BUB1B: variants seen among roughly 807,000 people sequenced by gnomAD.
The protein encoded by BUB1B is mitotic checkpoint serine/threonine-protein kinase BUB1 beta.
BUB1B carries 86 observed loss-of-function variants against 137.7 expected under a neutral mutation model. That is an observed-to-expected ratio of 0.62 (90% CI 0.52 to 0.75). BUB1B has a LOEUF of 0.75. Among genes scored for constraint, BUB1B ranks in the 30% least tolerant of loss-of-function variants. The probability of loss-of-function intolerance (pLI) is 0.00; values close to 1 mark genes in which losing one functional copy is unlikely to be tolerated. For missense variants in BUB1B, 1,130 were observed against 1,236.9 expected (o/e 0.91, Z 1.30); for synonymous variants, 420 against 417.9 (o/e 1.00, Z -0.06).
intron 9 of BUB1B, among the ~76,000 whole-genome samples, chr15:40,198,221 AAT>A (rs1369314371): frequency 1.3e-5 from 2 of 150,242 alleles, no homozygotes; most frequent in Non-Finnish European, 3.0e-5. Flanking sequence ...AGAATTTTTT[AAT>A]ACTCATTTCT....
chr15:40,175,361 C>T (rs2037212759), intron 4 of BUB1B, among the ~76,000 whole-genome samples: 1 of 152,178 alleles, frequency 6.6e-6, no homozygotes, highest in Non-Finnish European at 1.5e-5. Flanking sequence ...TGCGTCACTG[C>T]AGTCCAGCCT....
intron 11 of BUB1B, 22 bp downstream of exon 11, chr15:40,200,381 G>C: frequency 6.3e-7 from 1 of 1,583,248 alleles, no homozygotes; most frequent in Non-Finnish European, 8.7e-7. Context: ...TAGGTGGAAG[G>C]GACAATGCAT....
At chr15:40,166,629 C>G (rs868855381) in intron 2 of BUB1B, 1 of 194,230 alleles carries the variant, frequency 5.1e-6, no homozygotes, top group African/African-American at 2.4e-5. Context: ...CGTGAGCCAC[C>G]GCGCCCAGCA....
chr15:40,161,331 G>T, intron 1 of BUB1B, 76 bp downstream of exon 1: 1 of 1,526,076 alleles, frequency 6.6e-7, no homozygotes, highest in South Asian at 1.2e-5. Flanking sequence ...GCTCCGCTCG[G>T]AGCAGTCGAG....
At chr15:40,192,016 A>G (rs184675868) in intron 8 of BUB1B, among the ~76,000 whole-genome samples, 10 of 152,252 alleles carry the variant, frequency 6.6e-5, no homozygotes, top group African/African-American at 2.4e-4. Context: ...TAGCCTGTCA[A>G]TTTCTGCAGA....
intron 5 of BUB1B, among the ~76,000 whole-genome samples, chr15:40,177,334 A>T (rs1259949302): frequency 6.6e-6 from 1 of 152,060 alleles, no homozygotes; most frequent in East Asian, 1.9e-4. Context: ...TTCATCTTCA[A>T]GTTTTCATCT....
intron 8 of BUB1B, among the ~76,000 whole-genome samples, chr15:40,187,697 C>G (rs1036240037): frequency 2.0e-5 from 3 of 152,012 alleles, no homozygotes; most frequent in Non-Finnish European, 2.9e-5. Flanking sequence ...TCGCTTGAGC[C>G]CAGGAGTTCA....
chr15:40,164,086 C>A (rs751468882), intron 1 of BUB1B, among the ~76,000 whole-genome samples: 1 of 152,120 alleles, frequency 6.6e-6, no homozygotes, highest in Non-Finnish European at 1.5e-5. Context: ...AGTAGGCTTG[C>A]TAGAATTGGG....
chr15:40,206,569 G>A (rs2037640115), intron 15 of BUB1B, 111 bp downstream of exon 15: 2 of 1,353,112 alleles, frequency 1.5e-6, no homozygotes, highest in African/African-American at 2.9e-5. Flanking sequence ...GCCAGGTACT[G>A]TGCTAAGTGC....
intron 20 of BUB1B, 36 bp from the exon 21 acceptor site, chr15:40,217,460 A>G (rs766756873): frequency 1.2e-6 from 2 of 1,609,208 alleles, no homozygotes; most frequent in East Asian, 2.2e-5. Context: ...TTCATGGCCT[A>G]TTTTTATTAT....
intron 8 of BUB1B, among the ~76,000 whole-genome samples, chr15:40,186,025 A>G (rs1342933587): frequency 4.6e-5 from 7 of 152,220 alleles, no homozygotes; most frequent in South Asian, 2.1e-4. Context: ...AGGAAAATCA[A>G]TGGTGGCTAT....
intron 4 of BUB1B, among the ~76,000 whole-genome samples, chr15:40,172,166 T>A (rs1595511946): frequency 6.6e-6 from 1 of 150,810 alleles, no homozygotes; most frequent in East Asian, 1.9e-4. Flanking sequence ...AGTAATAAAG[T>A]AAGAAATAAA....
At chr15:40,208,982 T>C (rs895696119) in intron 16 of BUB1B, among the ~76,000 whole-genome samples, 1 of 152,134 alleles carries the variant, frequency 6.6e-6, no homozygotes, top group Non-Finnish European at 1.5e-5. Flanking sequence ...CCAATTTTTG[T>C]ATTTTTTGTA....
At position 40,218,572 on chromosome 15, in the gene BUB1B, G is replaced by A; in HGVS notation, c.2957+10G>A. 1 of 1,574,910 alleles carries A rather than the reference G, an allele frequency of 6.3e-7. No individual in the cohort carries two copies. The highest frequency in any genetic ancestry group is 8.7e-7 in the Non-Finnish European group (1 of 1,144,520). On this transcript the variant is annotated intron_variant, in intron 22 of 22. Transcript: ENST00000287598. ...GCCAAAATATTTCTGAGTAAGTATTGATGAATGTCAGGGTCTCTGCCTGTC... is the reference window on the plus strand; with the variant it reads ...GCCAAAATATTTCTGAGTAAGTATTAATGAATGTCAGGGTCTCTGCCTGTC...
intron 8 of BUB1B, among the ~76,000 whole-genome samples, chr15:40,194,462 T>C (rs1458340611): frequency 6.6e-6 from 1 of 152,172 alleles, no homozygotes; most frequent in Admixed American, 6.5e-5. Context: ...ATGATGTTAG[T>C]GTGGGTTTTT....
At chr15:40,173,848 C>T (rs2037193615) in intron 4 of BUB1B, 1 of 357,806 alleles carries the variant, frequency 2.8e-6, no homozygotes, top group African/African-American at 2.2e-5. Flanking sequence ...AGAGGAGTAA[C>T]AGATGAATTC....
At chr15:40,190,711 T>G (rs1471586828) in intron 8 of BUB1B, among the ~76,000 whole-genome samples, 2 of 152,230 alleles carry the variant, frequency 1.3e-5, no homozygotes, top group Non-Finnish European at 2.9e-5. Context: ...GGGGCCATTA[T>G]TAAGTATAAT....
chr15:40,202,647 A>C lies in BUB1B; in HGVS notation c.1687A>C (p.Thr563Pro). 1.2e-6 allele frequency: 2 copies of C among 1,614,122 alleles called. No individual in the cohort carries two copies. Among genetic ancestry groups the C allele is most frequent in the Non-Finnish European group, 1.7e-6 (2 of 1,180,020 alleles). Residue 563 changes from threonine (T) to proline (P), a missense_variant, in exon 14 of 23, where the codon ACC becomes CCC. Thr to Pro is a conservative substitution (Grantham distance 38). Coordinates refer to ENST00000287598, the MANE Select transcript of BUB1B (RefSeq NM_001211.6). ...AQRRPLAVLKTSESITSNEDV... is the reference protein window; with the variant it reads ...AQRRPLAVLKPSESITSNEDV... ...ACGAAGACCCCTTGCAGTTCTCAAA[A>C]CCTCAGAAAGCATCACCTCAAATGA...
intron 6 of BUB1B, 125 bp from the exon 7 acceptor site, chr15:40,185,040 T>TC: frequency 1.1e-5 from 8 of 732,908 alleles, no homozygotes; most frequent in Non-Finnish European, 1.5e-5. Context: ...TTTTAAAATT[T>TC]CTTTTTTTTT....
Sources: allele counts gnomAD v4.1 joint callset (sites outside exome capture counted in the v4.1 genomes callset), GRCh38; gene constraint gnomAD v4.1.1; transcripts MANE v1.5; gene names NCBI Gene and HGNC (gene_info 2026-07-23, HGNC 2026-07-21).